The following PPP6R3 variants were observed in gnomAD, a reference collection of about 807,000 sequenced individuals.
The protein encoded by PPP6R3 is protein phosphatase 6 regulatory subunit 3, also known as serine/threonine-protein phosphatase 6 regulatory subunit 3.
A neutral mutation model predicts 110.7 loss-of-function variants in PPP6R3; 38 were observed. The ratio of observed to expected loss-of-function variants is 0.34; its 90% CI spans 0.26 to 0.45. The LOEUF (loss-of-function observed/expected upper bound fraction) is 0.45, where lower values mean the gene tolerates loss of function less well. Ranked by LOEUF, PPP6R3 falls within the 20% of genes least tolerant of loss-of-function variation. The pLI, the probability that PPP6R3 is intolerant of heterozygous loss-of-function variation, is 1.00. For synonymous variants in PPP6R3, 369 were observed against 373.5 expected (o/e 0.99, Z 0.14); for missense variants, 870 against 1,062.4 (o/e 0.82, Z 2.52).
chr11:68,477,741 A>AAAATATAT, intron 1 of PPP6R3, among the ~76,000 whole-genome samples: 184 of 57,886 alleles, frequency 3.2e-3, no homozygotes, highest in African/African-American at 4.2e-3. Flanking sequence ...AAAAAAAAAA[A>AAAATATAT]ATATATATAT....
At chr11:68,525,752 C>T (rs2099193861) in intron 2 of PPP6R3, among the ~76,000 whole-genome samples, 1 of 152,078 alleles carries the variant, frequency 6.6e-6, no homozygotes, top group Non-Finnish European at 1.5e-5. Flanking sequence ...GACCATTTGC[C>T]AAAAGCATCT....
At position 68,521,373 on chromosome 11, in the gene PPP6R3, A is replaced by G. The variant is rs932265241; in HGVS notation, c.-7+1722A>G. Among the ~76,000 whole-genome samples, 61 of 152,310 alleles carry G rather than the reference A, an allele frequency of 4.0e-4. 1 individual carries two copies. The highest frequency in any genetic ancestry group is 1.5e-3 in the African/African-American group (61 of 41,560). On this transcript the variant is annotated intron_variant, in intron 2 of 23. Coordinates refer to ENST00000393800, the MANE Select transcript of PPP6R3 (RefSeq NM_001164161.2). ...AATGTCAGAGGCATTTCTCAGGATA[A>G]TATTTGAGACTTTCCTTCTCTCTCC...
chr11:68,595,720 G>C (rs956633742), intron 18 of PPP6R3, among the ~76,000 whole-genome samples: 4 of 152,190 alleles, frequency 2.6e-5, no homozygotes, highest in African/African-American at 9.7e-5. Context: ...AAGCACAAAA[G>C]TGTGAAAAGA....
intron 22 of PPP6R3, among the ~76,000 whole-genome samples, chr11:68,606,128 A>T (rs1939616391): frequency 6.6e-6 from 1 of 152,248 alleles, no homozygotes; most frequent in Non-Finnish European, 1.5e-5. Flanking sequence ...GAAGGCAAGG[A>T]TGGCTCAAAG....
At chr11:68,526,309 G>A (rs2099197501) in intron 2 of PPP6R3, among the ~76,000 whole-genome samples, 2 of 151,874 alleles carry the variant, frequency 1.3e-5, no homozygotes, top group African/African-American at 4.8e-5. Context: ...AGGCTGGAGT[G>A]CAGTGGCGTG....
chr11:68,493,963 C>T (rs1182491619), intron 1 of PPP6R3, among the ~76,000 whole-genome samples: 40 of 151,180 alleles, frequency 2.6e-4, no homozygotes, highest in Admixed American at 2.6e-3. Flanking sequence ...ATTAGCTGGG[C>T]GTGGTGGCGG....
At chr11:68,594,121 G>T (rs2099604118) in intron 18 of PPP6R3, among the ~76,000 whole-genome samples, 1 of 152,104 alleles carries the variant, frequency 6.6e-6, no homozygotes, top group Non-Finnish European at 1.5e-5. Flanking sequence ...AATCTCAAAA[G>T]ATTTCAAAGG....
chr11:68,508,216 C>T (rs1323423309), intron 1 of PPP6R3, among the ~76,000 whole-genome samples: 1 of 146,200 alleles, frequency 6.8e-6, no homozygotes, highest in Non-Finnish European at 1.5e-5. Flanking sequence ...GCAGCCTCTG[C>T]CTCCTGTGTT....
chr11:68,478,477 C>T (rs1319880143), intron 1 of PPP6R3, among the ~76,000 whole-genome samples: 1 of 151,954 alleles, frequency 6.6e-6, no homozygotes, highest in East Asian at 1.9e-4. Context: ...TGTTATGTAA[C>T]TATGACAAGT....
intron 7 of PPP6R3, among the ~76,000 whole-genome samples, chr11:68,556,249 T>G (rs1039277950): frequency 6.6e-6 from 1 of 152,094 alleles, no homozygotes; most frequent in Admixed American, 6.6e-5. Flanking sequence ...TGGAAAAATT[T>G]GAAATGAGCT....
At chr11:68,483,639 G>T (rs1409968091) in intron 1 of PPP6R3, among the ~76,000 whole-genome samples, 1 of 152,136 alleles carries the variant, frequency 6.6e-6, no homozygotes, top group East Asian at 1.9e-4. Context: ...TTTGCCACCA[G>T]ACTGGCTAAC....
chr11:68,574,288 G>A (rs1369749757), intron 13 of PPP6R3, 64 bp downstream of exon 13: 20 of 1,292,868 alleles, frequency 1.5e-5, no homozygotes, highest in Non-Finnish European at 1.8e-5. Flanking sequence ...TAAGGGTCAA[G>A]TAGAAATGCA....
intron 1 of PPP6R3, among the ~76,000 whole-genome samples, chr11:68,474,956 C>T (rs2098817586): frequency 6.7e-6 from 1 of 149,668 alleles, no homozygotes; most frequent in South Asian, 2.1e-4. Context: ...TTGGGTGTTT[C>T]TCGCAGAGGG....
intron 18 of PPP6R3, among the ~76,000 whole-genome samples, chr11:68,594,438 C>G (rs1284564953): frequency 2.0e-5 from 3 of 152,250 alleles, no homozygotes; most frequent in East Asian, 3.9e-4. Flanking sequence ...AGGAGGCTCT[C>G]TTGAGCCCAG....
At chr11:68,554,957 C>G (rs914429168) in intron 7 of PPP6R3, among the ~76,000 whole-genome samples, 24 of 152,118 alleles carry the variant, frequency 1.6e-4, no homozygotes, top group African/African-American at 5.6e-4. Flanking sequence ...TTTATTCCTG[C>G]TGTATATTGA....
intron 21 of PPP6R3, 84 bp downstream of exon 21, chr11:68,602,053 G>T (rs2099633515): frequency 2.8e-6 from 3 of 1,090,364 alleles, no homozygotes; most frequent in Non-Finnish European, 4.0e-6. Flanking sequence ...TCAGGGGCTA[G>T]TGGAGCCCGG....
chr11:68,491,379 T>TGTGTGTGTGTG (rs1491559108), intron 1 of PPP6R3, among the ~76,000 whole-genome samples: 3 of 125,348 alleles, frequency 2.4e-5, no homozygotes, highest in South Asian at 5.2e-4. Context: ...TGTGTGTGTG[T>TGTGTGTGTGTG]TTGAGACAGA....
chr11:68,542,389 G>GTTTTTTTTTTTGTTTT, intron 3 of PPP6R3, among the ~76,000 whole-genome samples: 1 of 40,188 alleles, frequency 2.5e-5, no homozygotes, highest in Non-Finnish European at 4.1e-5. Context: ...AGAAGCTGCT[G>GTTTTTTTTTTTGTTTT]TTTTTTTTTT....
chr11:68,494,155 A>C (rs1211175762), intron 1 of PPP6R3, among the ~76,000 whole-genome samples: 2 of 151,308 alleles, frequency 1.3e-5, no homozygotes, highest in African/African-American at 4.8e-5. Flanking sequence ...TTTTTGTAAC[A>C]CGAAGAAAGG....
Sources: allele counts gnomAD v4.1 joint callset (sites outside exome capture counted in the v4.1 genomes callset), GRCh38; gene constraint gnomAD v4.1.1; transcripts MANE v1.5; gene names NCBI Gene and HGNC (gene_info 2026-07-23, HGNC 2026-07-21).